The following HORMAD1 variants were observed in gnomAD, a reference collection of about 807,000 sequenced individuals.
HORMAD1 encodes the protein HORMA domain-containing protein 1.
Under a neutral mutation model 58.2 loss-of-function variants are expected in HORMAD1, and 33 were observed. The observed-to-expected ratio is 0.57, with a 90% CI of 0.43 to 0.76. The LOEUF (loss-of-function observed/expected upper bound fraction) is 0.76. Among genes scored for constraint, HORMAD1 ranks in the 30% least tolerant of loss-of-function variants. The probability of loss-of-function intolerance (pLI) is 0.00; values close to 1 mark genes in which losing one functional copy is unlikely to be tolerated. For missense variants in HORMAD1, 363 were observed against 462.0 expected (o/e 0.79, Z 1.96); for synonymous variants, 137 against 144.6 (o/e 0.95, Z 0.38).
chr1:150,714,583 A>G, intron 4 of HORMAD1, 32 bp downstream of exon 4: 3 of 1,214,824 alleles, frequency 2.5e-6, no homozygotes, highest in Non-Finnish European at 3.4e-6. Flanking sequence ...AGAAAAAAAT[A>G]ATTTTCTCTC....
At chr1:150,711,978 T>C (rs1196837605) in intron 5 of HORMAD1, 125 bp from the exon 6 acceptor site, 4 of 699,122 alleles carry the variant, frequency 5.7e-6, no homozygotes, top group Non-Finnish European at 1.0e-5. Context: ...ATTGCAGATC[T>C]TGACTGCATA....
chr1:150,704,215 AGTTACCCGGGTAT>A, intron 11 of HORMAD1, 21 bp from the exon 12 acceptor site: 2 of 1,449,336 alleles, frequency 1.4e-6, no homozygotes, highest in Non-Finnish European at 1.9e-6. Flanking sequence ...AAAAAAAAAA[AGTTACCCGGGTAT>A]AAAATTGAGT....
At chr1:150,718,961 G>T (rs890204255) in intron 2 of HORMAD1, among the ~76,000 whole-genome samples, 1 of 150,652 alleles carries the variant, frequency 6.6e-6, no homozygotes, top group African/African-American at 2.4e-5. Context: ...ACATCCAATA[G>T]AATTCTCAAT....
At chr1:150,706,207 T>C (rs587608564) in intron 10 of HORMAD1, among the ~76,000 whole-genome samples, 26 of 152,244 alleles carry the variant, frequency 1.7e-4, no homozygotes, top group African/African-American at 6.0e-4. Context: ...ATTCCATCAT[T>C]AGCCGGGAGT....
chr1:150,699,640 TCAC>T (rs1479821990), intron 14 of HORMAD1, among the ~76,000 whole-genome samples: 2 of 151,740 alleles, frequency 1.3e-5, no homozygotes, highest in African/African-American at 2.4e-5. Flanking sequence ...TTCTCCTGCC[TCAC>T]CCTCCCGAGT....
chr1:150,701,348 T>C (rs1016189813), intron 13 of HORMAD1, among the ~76,000 whole-genome samples: 4 of 152,220 alleles, frequency 2.6e-5, no homozygotes, highest in Non-Finnish European at 5.9e-5. Flanking sequence ...TTTCATGAGA[T>C]ACTCATTTGA....
At position 150,706,658 on chromosome 1, in the gene HORMAD1, C is replaced by T. The variant is rs1007916326; in HGVS notation, c.699G>A (p.Met233Ile). Reference sequence around the variant, plus strand: ...ATAGTATAGTTGAGTCAATATTTTCCATTCGTTCTCTCTCAGTGGTCACTT... The same window carrying T: ...ATAGTATAGTTGAGTCAATATTTTCTATTCGTTCTCTCTCAGTGGTCACTT... ...KVKVTTERER[M>I]ENIDSTILSP... Residue 233 changes from methionine (M) to isoleucine (I), a missense_variant, in exon 10 of 15, where the codon ATG becomes ATA. Around this residue, in one of 3 missense-constraint regions of HORMAD1, gnomAD observed 226 missense variants for 257.8 expected, o/e 0.88. Transcript: ENST00000361824. The T allele has an allele frequency of 2.5e-6, 4 of 1,613,150 alleles. No individual in the cohort carries two copies. Among genetic ancestry groups the T allele is most frequent in the Non-Finnish European group, 3.4e-6 (4 of 1,179,654 alleles).
Position 150,704,353 on chromosome 1 carries a change from T to C in HORMAD1, c.805-10A>G, listed in dbSNP as rs146495067. 47 of 1,522,662 alleles carry C rather than the reference T, an allele frequency of 3.1e-5. No individual in the cohort carries two copies. The East Asian group carries it at 9.5e-4, about 31-fold the overall frequency. 94.3% of individuals were successfully genotyped at this position (1,522,662 alleles called of 1,614,324 possible). ...CAATGTCCAAATCATCCTACATAAT[T>C]ATGTGAAGAAAAAAATTGACACATT... On this transcript the variant is annotated splice_polypyrimidine_tract_variant and intron_variant, in intron 10 of 14. Transcript: ENST00000361824.
intron 8 of HORMAD1, 69 bp from the exon 9 acceptor site, chr1:150,708,476 T>C (rs1651764922): frequency 1.2e-5 from 12 of 1,020,960 alleles, no homozygotes; most frequent in Non-Finnish European, 1.7e-5. Context: ...CTTTACATTT[T>C]AACTATTTGA....
chr1:150,699,350 A>G (rs768275559), intron 14 of HORMAD1, among the ~76,000 whole-genome samples: 1 of 152,128 alleles, frequency 6.6e-6, no homozygotes, highest in African/African-American at 2.4e-5. Flanking sequence ...AGGAGACCCT[A>G]TATTTTTAGG....
At chr1:150,713,489 T>C (rs1049402637) in intron 5 of HORMAD1, among the ~76,000 whole-genome samples, 2 of 151,812 alleles carry the variant, frequency 1.3e-5, no homozygotes, top group Non-Finnish European at 2.9e-5. Context: ...TAAGCCGAGA[T>C]GGTGCCACTG....
chr1:150,704,200 A>C lies in HORMAD1; in HGVS notation c.872-6T>G. 1.5e-6 allele frequency: 1 copy of C among 651,714 alleles called. No homozygotes were observed. 40.4% of individuals were successfully genotyped at this position (651,714 alleles called of 1,614,324 possible). A position where few individuals can be genotyped will look rare whatever the true frequency, so the allele number is the denominator to read the frequency against. On this transcript the variant is annotated splice_polypyrimidine_tract_variant and splice_region_variant and intron_variant, in intron 11 of 14. Coordinates refer to ENST00000361824, the MANE Select transcript of HORMAD1 (RefSeq NM_032132.5). ...CTCACAAACTAAACTTGGTTCTGTA[A>C]AAAAAAAAAAAAAAAGTTACCCGGG...
chr1:150,709,519 G>A (rs964628412), intron 7 of HORMAD1, among the ~76,000 whole-genome samples: 2 of 152,222 alleles, frequency 1.3e-5, no homozygotes, highest in Admixed American at 6.5e-5. Context: ...GCGGAAAGCC[G>A]CAGGGACCTC....
chr1:150,720,601 T>C (rs1261319585), intron 1 of HORMAD1, among the ~76,000 whole-genome samples: 1 of 152,204 alleles, frequency 6.6e-6, no homozygotes. Flanking sequence ...AAATTTATCC[T>C]GACAAATCCT....
In HORMAD1 at chr1:150,704,199, A is replaced by C. The variant is rs1452965202; in HGVS notation, c.872-5T>G. 5.7e-5 allele frequency: 10 copies of C among 176,954 alleles called. No individual in the cohort carries two copies. Among genetic ancestry groups the C allele is most frequent in the South Asian group, 1.6e-4 (1 of 6,198 alleles). The allele number at this position is 176,954 out of a possible 1,614,324, so 11.0% of individuals were successfully genotyped here. ...CCTCACAAACTAAACTTGGTTCTGT[A>C]AAAAAAAAAAAAAAAAGTTACCCGG... On this transcript the variant is annotated splice_polypyrimidine_tract_variant and splice_region_variant and intron_variant, in intron 11 of 14. Transcript: ENST00000361824.
At chr1:150,713,195 T>C (rs1456830700) in intron 5 of HORMAD1, among the ~76,000 whole-genome samples, 1 of 152,198 alleles carries the variant, frequency 6.6e-6, no homozygotes, top group Non-Finnish European at 1.5e-5. Flanking sequence ...ACCTTTCCAT[T>C]TACCACATAC....
Position 150,706,657 on chromosome 1 carries a change from C to T in HORMAD1, c.700G>A (p.Glu234Lys). ...GATAGTATAGTTGAGTCAATATTTT[C>T]CATTCGTTCTCTCTCAGTGGTCACT... ...VKVTTERERMENIDSTILSPK... is the reference protein window; with the variant it reads ...VKVTTERERMKNIDSTILSPK... Residue 234 changes from glutamate (E) to lysine (K), a missense_variant, in exon 10 of 15, where the codon GAA becomes AAA. Glu to Lys is a moderately conservative substitution (Grantham distance 56, BLOSUM62 1). Coordinates refer to ENST00000361824, the MANE Select transcript of HORMAD1 (RefSeq NM_032132.5). 6.2e-7 allele frequency: 1 copy of T among 1,613,408 alleles called. No individual in the cohort carries two copies. The highest frequency in any genetic ancestry group is 8.5e-7 in the Non-Finnish European group (1 of 1,179,750).
At position 150,704,357 on chromosome 1, in the gene HORMAD1, TG is replaced by T. The variant is rs1308129910; in HGVS notation, c.805-15del. 4 of 1,511,338 alleles carry T rather than the reference TG, an allele frequency of 2.6e-6. No homozygotes were observed. The highest frequency in any genetic ancestry group is 3.6e-6 in the Non-Finnish European group (4 of 1,116,762). 93.6% of individuals were successfully genotyped at this position (1,511,338 alleles called of 1,614,324 possible). ...GTCCAAATCATCCTACATAATTATG[TG>T]AAGAAAAAAATTGACACATTTCAAA... On this transcript the variant is annotated splice_polypyrimidine_tract_variant and intron_variant, in intron 10 of 14. Coordinates refer to ENST00000361824, the MANE Select transcript of HORMAD1 (RefSeq NM_032132.5).
chr1:150,720,038 C>G (rs962751833), intron 1 of HORMAD1, among the ~76,000 whole-genome samples: 4 of 150,750 alleles, frequency 2.7e-5, no homozygotes, highest in Admixed American at 6.6e-5. Context: ...CTCAGCCTCC[C>G]GAGTAGCTGG....
Sources: gnomAD v4.1 joint callset for allele counts (sites outside exome capture counted in the v4.1 genomes callset) on GRCh38, gnomAD v4.1.1 for gene constraint, gnomAD v4.1.1 regional missense constraint, MANE v1.5 for transcripts, NCBI Gene and HGNC (gene_info 2026-07-23, HGNC 2026-07-21) for gene names.